The following PSKH1 variants were observed in gnomAD, a reference collection of about 807,000 sequenced individuals.
PSKH1 encodes protein serine kinase H1, also known as serine/threonine-protein kinase H1.
In PSKH1, 12 loss-of-function variants were observed where a neutral mutation model predicts 26.7. The ratio of observed to expected loss-of-function variants is 0.45; its 90% confidence interval spans 0.29 to 0.73. PSKH1 has a LOEUF of 0.73. Among genes scored for constraint, PSKH1 ranks in the 30% least tolerant of loss-of-function variants. The pLI is 0.11. For synonymous variants in PSKH1, 213 were observed against 234.3 expected (o/e 0.91, Z 0.83); for missense variants, 431 against 595.2 (o/e 0.72, Z 2.87).
intron 1 of PSKH1, among the ~76,000 whole-genome samples, chr16:67,895,191 A>C (rs2058122705): frequency 6.7e-6 from 1 of 149,712 alleles, no homozygotes; most frequent in Non-Finnish European, 1.5e-5. Context: ...CCAAAGTGCT[A>C]GGGTTGCAGG....
Position 67,927,334 on chromosome 16 carries a change from A to C in PSKH1, c.967A>C (p.Ser323Arg). 6.2e-7 allele frequency: 1 copy of C among 1,610,404 alleles called. No homozygotes were observed. The highest frequency in any genetic ancestry group is 1.1e-5 in the South Asian group (1 of 90,848). The change falls in exon 3 of 3, where the codon AGT (serine) becomes CGT (arginine). Residue 323 changes from serine (S) to arginine (R), a missense_variant. Coordinates refer to ENST00000291041, the MANE Select transcript of PSKH1 (RefSeq NM_006742.3). This position sits in a 1 kb window ranked among gnomAD's most constrained non-coding sequence, Gnocchi z 5.5. The stretch of plus-strand genomic sequence containing the variant: ...TGTCCTTGGTCTCTAGCCCTGGCCT[A>C]GTGTGTCCAACCTGGCCAAGGACTT... ...KYSYSGEPWP[S>R]VSNLAKDFID...
chr16:67,904,843 T>C (rs922731463), intron 1 of PSKH1, among the ~76,000 whole-genome samples: 1 of 150,272 alleles, frequency 6.7e-6, no homozygotes, highest in Non-Finnish European at 1.5e-5. Flanking sequence ...TTTTTTTTTT[T>C]TGAGACAAAG....
At chr16:67,907,181 T>C (rs2058158515) in intron 1 of PSKH1, among the ~76,000 whole-genome samples, 1 of 151,748 alleles carries the variant, frequency 6.6e-6, no homozygotes, top group Middle Eastern at 3.4e-3. Context: ...GCCAGGATAG[T>C]CTCGATCTCC....
chr16:67,904,812 C>T (rs1479967894), intron 1 of PSKH1, among the ~76,000 whole-genome samples: 1 of 150,866 alleles, frequency 6.6e-6, no homozygotes, highest in Non-Finnish European at 1.5e-5. Context: ...TCTTACTGGT[C>T]CTTTTTTAAT....
In PSKH1 at chr16:67,915,051, G is replaced by A. The variant is rs973198618; in HGVS notation, c.957+5345G>A. Among the ~76,000 whole-genome samples, 5 of 152,168 alleles carry A rather than the reference G, an allele frequency of 3.3e-5. No homozygotes were observed. The South Asian group carries it at 1.0e-3, about 31-fold the overall frequency. The stretch of plus-strand genomic sequence containing the variant: ...ATTGATTACCTGAGGGTTGGAAAAT[G>A]ACGAATGGGGTGGGGAGTGGGTTCC... On this transcript the variant is annotated intron_variant, in intron 2 of 2. Coordinates refer to ENST00000291041, the MANE Select transcript of PSKH1 (RefSeq NM_006742.3).
At chr16:67,903,554 G>A (rs997042430) in intron 1 of PSKH1, among the ~76,000 whole-genome samples, 7 of 151,572 alleles carry the variant, frequency 4.6e-5, no homozygotes, top group Admixed American at 2.6e-4. Flanking sequence ...TGCAACCTCC[G>A]CCTCCCAGGT....
intron 1 of PSKH1, among the ~76,000 whole-genome samples, chr16:67,905,256 G>T (rs748772574): frequency 6.6e-6 from 1 of 152,048 alleles, no homozygotes; most frequent in Non-Finnish European, 1.5e-5. Flanking sequence ...GGAAGGTCCT[G>T]GTCCTCACTT....
At chr16:67,895,172 C>T (rs1043585035) in intron 1 of PSKH1, among the ~76,000 whole-genome samples, 1 of 151,976 alleles carries the variant, frequency 6.6e-6, no homozygotes, top group African/African-American at 2.4e-5. Flanking sequence ...ATCCACCTGC[C>T]TCGGCCTCCC....
intron 1 of PSKH1, among the ~76,000 whole-genome samples, chr16:67,894,913 CT>C (rs1177556152): frequency 1.4e-5 from 2 of 147,028 alleles, no homozygotes; most frequent in Non-Finnish European, 3.0e-5. Context: ...GCCTTACTGT[CT>C]GAGTTAGTTT....
chr16:67,896,400 C>T (rs1335884529), intron 1 of PSKH1, among the ~76,000 whole-genome samples: 3 of 152,188 alleles, frequency 2.0e-5, no homozygotes, highest in Non-Finnish European at 4.4e-5. Flanking sequence ...TGAGCCACCA[C>T]AACCGGCTAG....
intron 1 of PSKH1, among the ~76,000 whole-genome samples, chr16:67,901,545 G>A (rs1285845101): frequency 6.6e-6 from 1 of 151,358 alleles, no homozygotes; most frequent in African/African-American, 2.4e-5. Flanking sequence ...TGTTGCCCAG[G>A]CTGGCTCAAA....
chr16:67,914,034 C>T (rs542448589), intron 2 of PSKH1, among the ~76,000 whole-genome samples: 1 of 152,278 alleles, frequency 6.6e-6, no homozygotes, highest in East Asian at 1.9e-4. Flanking sequence ...GGGCAATGGC[C>T]TGAGGGACAG....
rs1242346863 is a variant in PSKH1 at position 67,927,655 on chromosome 16, T to C, written c.*13T>C. 1 of 1,590,232 alleles carries C rather than the reference T, an allele frequency of 6.3e-7. No individual in the cohort carries two copies. The highest frequency in any genetic ancestry group is 8.5e-7 in the Non-Finnish European group (1 of 1,172,708). The stretch of plus-strand genomic sequence containing the variant: ...ATACAATGGCTGAGCCGCCTGGCTG[T>C]GCACACATGCAGCACGACCCAGCCT... On this transcript the variant is annotated 3_prime_UTR_variant, in exon 3 of 3. Coordinates refer to ENST00000291041, the MANE Select transcript of PSKH1 (RefSeq NM_006742.3). The surrounding 1 kb of genome is among the most constrained non-coding windows in gnomAD (Gnocchi z 5.5).
At chr16:67,895,217 C>T (rs1366135254) in intron 1 of PSKH1, among the ~76,000 whole-genome samples, 1 of 151,406 alleles carries the variant, frequency 6.6e-6, no homozygotes, top group African/African-American at 2.4e-5. Flanking sequence ...GCCACTATGC[C>T]TGGCTGAGAT....
chr16:67,904,374 T>C (rs1250363539), intron 1 of PSKH1, among the ~76,000 whole-genome samples: 1 of 151,856 alleles, frequency 6.6e-6, no homozygotes, highest in African/African-American at 2.4e-5. Context: ...ACTAATATTT[T>C]TGTATTTTTT....
chr16:67,903,741 C>T (rs1172600889), intron 1 of PSKH1, among the ~76,000 whole-genome samples: 1 of 151,848 alleles, frequency 6.6e-6, no homozygotes, highest in Non-Finnish European at 1.5e-5. Flanking sequence ...CTGAGCTGTG[C>T]AAGGGACGGG....
At chr16:67,924,462 G>T (rs2151315200) in intron 2 of PSKH1, among the ~76,000 whole-genome samples, 1 of 152,318 alleles carries the variant, frequency 6.6e-6, no homozygotes, top group African/African-American at 2.4e-5. Flanking sequence ...AGACCATAGG[G>T]CTGGTCTGGG....
chr16:67,913,323 T>C (rs2058178356), intron 2 of PSKH1, among the ~76,000 whole-genome samples: 1 of 152,030 alleles, frequency 6.6e-6, no homozygotes, highest in Non-Finnish European at 1.5e-5. Flanking sequence ...ATGTTTTGTA[T>C]TTTTAGTAGA....
At position 67,909,435 on chromosome 16, in the gene PSKH1, C is replaced by T. The variant is rs1463531263; in HGVS notation, c.686C>T (p.Pro229Leu). ...LKPENLLYYH[P>L]GTDSKIIITD... The stretch of plus-strand genomic sequence containing the variant: ...CCTGAGAATCTGCTCTACTACCATC[C>T]GGGCACTGACTCCAAGATCATCATC... Residue 229 changes from proline (P) to leucine (L), a missense_variant, in exon 2 of 3, where the codon CCG (proline) becomes CTG (leucine). Transcript: ENST00000291041. The surrounding 1 kb of genome is among the most constrained non-coding windows in gnomAD (Gnocchi z 7.8). 10 of 1,613,464 alleles carry T rather than the reference C, an allele frequency of 6.2e-6. No individual in the cohort carries two copies. The highest frequency in any genetic ancestry group is 2.2e-5 in the East Asian group (1 of 44,878).
Sources: allele counts gnomAD v4.1 joint callset (sites outside exome capture counted in the v4.1 genomes callset), GRCh38; gene constraint gnomAD v4.1.1; non-coding constraint Gnocchi (gnomAD v3.1); transcripts MANE v1.5; gene names NCBI Gene and HGNC (gene_info 2026-07-23, HGNC 2026-07-21).